Variants in GALNT14 observed in about 807,000 individuals in gnomAD.
GALNT14 encodes polypeptide N-acetylgalactosaminyltransferase 14.
A neutral mutation model predicts 77.5 loss-of-function variants in GALNT14; 60 were observed. The observed-to-expected ratio is 0.77, with a 90% CI of 0.63 to 0.96. GALNT14 has a LOEUF of 0.96. Ranked by LOEUF, GALNT14 falls within the 40% of genes least tolerant of loss-of-function variation. The pLI, the probability that GALNT14 is intolerant of heterozygous loss-of-function variation, is 0.00. For missense variants in GALNT14, 710 were observed against 731.0 expected (o/e 0.97, Z 0.33); for synonymous variants, 280 against 281.7 (o/e 0.99, Z 0.06).
At chr2:30,889,660 C>G in the GALNT14 span, among the ~76,000 whole-genome samples, 6 of 152,152 alleles carry the variant, frequency 3.9e-5, no homozygotes, top group Non-Finnish European at 5.9e-5. Context: ...ACCTGGGACT[C>G]AAGTTTTTCA....
chr2:31,044,544 C>T (rs970939370), intron 1 of GALNT14, among the ~76,000 whole-genome samples: 3 of 152,168 alleles, frequency 2.0e-5, no homozygotes, highest in Non-Finnish European at 4.4e-5. Flanking sequence ...TAACAGAGCA[C>T]AAACTACAAA....
chr2:31,048,598 T>TGCCTCC (rs1673635955), intron 1 of GALNT14, among the ~76,000 whole-genome samples: 6 of 114,098 alleles, frequency 5.3e-5, no homozygotes, highest in Non-Finnish European at 7.2e-5. Context: ...CCACCCCCAC[T>TGCCTCC]CCTGCCTCCC....
At chr2:30,894,094 G>A in the GALNT14 span, among the ~76,000 whole-genome samples, 2 of 147,988 alleles carry the variant, frequency 1.4e-5, no homozygotes, top group Admixed American at 1.3e-4. Flanking sequence ...TAGCTAAGTG[G>A]GTTCCAGCTC....
At chr2:30,920,733 G>A (rs746497259) in intron 13 of GALNT14, among the ~76,000 whole-genome samples, 2 of 152,068 alleles carry the variant, frequency 1.3e-5, no homozygotes, top group Non-Finnish European at 2.9e-5. Context: ...TCCCATGTGG[G>A]TTTAACACCT....
Position 30,938,409 on chromosome 2 carries a change from AAC to A in GALNT14, c.931+3790_931+3791del, listed in dbSNP as rs1262054745. 1.7e-4 allele frequency among the ~76,000 whole-genome samples: 24 copies of A among 139,274 alleles called. No individual in the cohort carries two copies. In the South Asian group the frequency reaches 5.1e-3, roughly 29 times the overall value. 91.4% of individuals were successfully genotyped at this position (139,274 alleles called of 152,430 possible). A position where few individuals can be genotyped will look rare whatever the true frequency, so the allele number is the denominator to read the frequency against. On this transcript the variant is annotated intron_variant, in intron 9 of 14. Coordinates refer to ENST00000349752, the MANE Select transcript of GALNT14 (RefSeq NM_024572.4). ...ACTCTCTCTCTCTCTCTCTCTCTCT[AAC>A]AGACTCCTTTTATCTCTAAAGACCA... is the stretch of plus-strand genomic sequence containing the variant.
Position 30,944,916 on chromosome 2 carries a change from A to T in GALNT14, c.769T>A (p.Trp257Arg), listed in dbSNP as rs1305250705. ...TTCTGCTCTGGGGAGAGCTGCTCCC[A>T]CTGGAAGTGGAGGCTCCAGTCAAAC... ...GGFDWSLHFQ[W>R]EQLSPEQKAR... Residue 257 changes from tryptophan (W) to arginine (R), a missense_variant, in exon 8 of 15, where the codon TGG (tryptophan) becomes AGG (arginine). Coordinates refer to ENST00000349752, the MANE Select transcript of GALNT14 (RefSeq NM_024572.4). 1 of 1,610,762 alleles carries T rather than the reference A, an allele frequency of 6.2e-7. No individual in the cohort carries two copies. Among genetic ancestry groups the T allele is most frequent in the African/African-American group, 1.3e-5 (1 of 74,954 alleles).
chr2:30,942,350 G>C (rs377682248), intron 8 of GALNT14, 46 bp from the exon 9 acceptor site: 2 of 1,442,238 alleles, frequency 1.4e-6, no homozygotes, highest in Admixed American at 3.4e-5. Context: ...CTAGTGGGGA[G>C]ATCACTCTCA....
At chr2:31,109,302 A>T (rs1011697487) in intron 1 of GALNT14, among the ~76,000 whole-genome samples, 2 of 152,234 alleles carry the variant, frequency 1.3e-5, no homozygotes, top group Admixed American at 1.3e-4. Flanking sequence ...GTGACTGCCT[A>T]TGTAACATTT....
intron 1 of GALNT14, among the ~76,000 whole-genome samples, chr2:31,060,891 T>C (rs542280307): frequency 6.6e-6 from 1 of 152,326 alleles, no homozygotes; most frequent in Non-Finnish European, 1.5e-5. Context: ...TGTGATGGGC[T>C]TCTATGGCCA....
chr2:31,138,216 G>T lies in GALNT14; in HGVS notation c.-130C>A. 1 of 1,174,638 alleles carries T rather than the reference G, an allele frequency of 8.5e-7. No individual in the cohort carries two copies. The highest frequency in any genetic ancestry group is 1.2e-6 in the Non-Finnish European group (1 of 836,226). 72.8% of individuals were successfully genotyped at this position (1,174,638 alleles called of 1,614,324 possible). A position where few individuals can be genotyped will look rare whatever the true frequency, so the allele number is the denominator to read the frequency against. On this transcript the variant is annotated 5_prime_UTR_variant, in exon 1 of 15. Coordinates refer to ENST00000349752, the MANE Select transcript of GALNT14 (RefSeq NM_024572.4). ...GCTCTAGACCCAGGATCCGGTTGGAGGGGCGGCAGGATCCTGCAAGGCGCC... is the reference window on the plus strand; with the variant it reads ...GCTCTAGACCCAGGATCCGGTTGGATGGGCGGCAGGATCCTGCAAGGCGCC...
chr2:31,008,624 G>T (rs892651392), intron 1 of GALNT14, among the ~76,000 whole-genome samples: 1 of 151,918 alleles, frequency 6.6e-6, no homozygotes, highest in South Asian at 2.1e-4. Context: ...CCTTCTTCTC[G>T]CCTGCCTCCA....
At chr2:31,046,989 C>T (rs1267685186) in intron 1 of GALNT14, among the ~76,000 whole-genome samples, 2 of 152,254 alleles carry the variant, frequency 1.3e-5, no homozygotes, top group Admixed American at 1.3e-4. Context: ...GGCAGTTGAA[C>T]TCCTCATGTG....
At chr2:30,979,256 C>A (rs1668835780) in intron 2 of GALNT14, among the ~76,000 whole-genome samples, 1 of 152,146 alleles carries the variant, frequency 6.6e-6, no homozygotes, top group South Asian at 2.1e-4. Flanking sequence ...TCTCAGGGAG[C>A]AAGAGATATC....
At chr2:30,995,422 T>C (rs1335556282) in intron 1 of GALNT14, among the ~76,000 whole-genome samples, 1 of 152,200 alleles carries the variant, frequency 6.6e-6, no homozygotes, top group African/African-American at 2.4e-5. Flanking sequence ...ACAGCCTATG[T>C]GTGTGGTAGG....
intron 1 of GALNT14, among the ~76,000 whole-genome samples, chr2:31,075,452 T>C (rs1444544702): frequency 1.3e-5 from 2 of 152,196 alleles, no homozygotes; most frequent in Non-Finnish European, 2.9e-5. Flanking sequence ...TTGATTGATC[T>C]GGAAGCAATC....
chr2:30,900,598 T>TA, the GALNT14 span, among the ~76,000 whole-genome samples: 1 of 152,198 alleles, frequency 6.6e-6, no homozygotes, highest in Non-Finnish European at 1.5e-5. Flanking sequence ...CGGTGACAGC[T>TA]AATTACAGCA....
intron 1 of GALNT14, among the ~76,000 whole-genome samples, chr2:31,049,078 G>T (rs1673672659): frequency 6.6e-6 from 1 of 152,126 alleles, no homozygotes; most frequent in Non-Finnish European, 1.5e-5. Flanking sequence ...AGTCCCTCGA[G>T]GTCCCGTAAC....
chr2:30,999,280 A>G (rs1378643321), intron 1 of GALNT14, among the ~76,000 whole-genome samples: 4 of 152,240 alleles, frequency 2.6e-5, no homozygotes, highest in African/African-American at 9.6e-5. Flanking sequence ...AAGAACTGCA[A>G]CTTCTAGATA....
chr2:30,964,094 T>C (rs959314560), intron 3 of GALNT14, among the ~76,000 whole-genome samples: 2 of 152,174 alleles, frequency 1.3e-5, no homozygotes, highest in Non-Finnish European at 2.9e-5. Flanking sequence ...TGTCAGGGGA[T>C]GGAGGCACCC....
Sources: gnomAD v4.1 joint callset for allele counts (sites outside exome capture counted in the v4.1 genomes callset) on GRCh38, gnomAD v4.1.1 for gene constraint, MANE v1.5 for transcripts, NCBI Gene and HGNC (gene_info 2026-07-23, HGNC 2026-07-21) for gene names.